The following BRWD1 variants were observed in gnomAD, a reference collection of about 807,000 sequenced individuals.
BRWD1 encodes bromodomain and WD repeat-containing protein 1.
Under a neutral mutation model 251.2 loss-of-function variants are expected in BRWD1, and 82 were observed. The observed-to-expected ratio is 0.33, with a 90% CI of 0.27 to 0.39. The LOEUF (loss-of-function observed/expected upper bound fraction) is 0.39. Among genes scored for constraint, BRWD1 ranks in the 10% least tolerant of loss-of-function variants. The pLI is 1.00. For missense variants in BRWD1, 2,233 were observed against 2,711.6 expected, an observed-to-expected ratio of 0.82 and a Z score of 3.92; for synonymous variants, 918 against 902.8, an observed-to-expected ratio of 1.02 and a Z score of -0.30.
rs2031955839 is a variant in BRWD1 at position 39,198,803 on chromosome 21, T to G, written c.5613A>C (p.Ser1871=). ...TTGGTTTTTCTATTTTGTCATCATC[T>G]GAATCTAAATCAGTTTCACATCCAT... ...SDHGCETDLD[S]DDDKIEKPNN... The change falls in exon 40 of 41, where the codon TCA becomes TCC. Residue 1871 remains serine (S), a synonymous_variant. Transcript: ENST00000342449. 7.5e-6 allele frequency: 12 copies of G among 1,599,194 alleles called. No individual in the cohort carries two copies. Among genetic ancestry groups the G allele is most frequent in the Non-Finnish European group, 1.0e-5 (12 of 1,175,222 alleles).
intron 23 of BRWD1, among the ~76,000 whole-genome samples, chr21:39,233,376 T>C (rs2033693014): frequency 6.6e-6 from 1 of 152,176 alleles, no homozygotes; most frequent in African/African-American, 2.4e-5. Flanking sequence ...GGGTGGTTTG[T>C]TATATACAGC....
At chr21:39,304,939 CCA>C (rs1031327377) in intron 4 of BRWD1, among the ~76,000 whole-genome samples, 2 of 150,328 alleles carry the variant, frequency 1.3e-5, no homozygotes, top group East Asian at 2.0e-4. Context: ...AGCAACAAAT[CCA>C]CAGTCATATT....
At chr21:39,292,132 T>A (rs1053256260) in intron 8 of BRWD1, among the ~76,000 whole-genome samples, 2 of 12,352 alleles carry the variant, frequency 1.6e-4, no homozygotes, top group African/African-American at 4.1e-4. Flanking sequence ...TGGGTGGGGG[T>A]GGGGGGGGGG....
intron 34 of BRWD1, among the ~76,000 whole-genome samples, chr21:39,211,908 A>G (rs1021454577): frequency 2.0e-5 from 3 of 152,178 alleles, no homozygotes; most frequent in South Asian, 2.1e-4. Context: ...GCATTTTCAT[A>G]TTAATAACCT....
intron 23 of BRWD1, among the ~76,000 whole-genome samples, chr21:39,233,475 TAAATG>T: frequency 1.3e-5 from 2 of 152,118 alleles, no homozygotes; most frequent in South Asian, 4.2e-4. Context: ...GGGATGTTAT[TAAATG>T]AAGAGACAAG....
Position 39,200,249 on chromosome 21 carries a change from T to C in BRWD1, c.4723A>G (p.Thr1575Ala). ...GLSRSSNLRV[T>A]RTRAAQRKTG... ...TTTCTTTGAGCAGCTCTAGTTCTGG[T>C]TACCCTGAGATTGCTGCTTCTGGAT... Residue 1575 changes from threonine to alanine, a missense_variant, in exon 39 of 41, where the codon ACC (threonine) becomes GCC (alanine). This residue lies in a region of BRWD1 where 928 missense variants were observed against 970.0 expected (regional missense o/e 0.96). Transcript: ENST00000342449. 1 of 1,613,722 alleles carries C rather than the reference T, an allele frequency of 6.2e-7. No homozygotes were observed. The highest frequency in any genetic ancestry group is 1.3e-5 in the African/African-American group (1 of 75,016).
At chr21:39,300,162 C>A (rs1319360698) in intron 4 of BRWD1, among the ~76,000 whole-genome samples, 2 of 152,146 alleles carry the variant, frequency 1.3e-5, no homozygotes, top group Non-Finnish European at 2.9e-5. Flanking sequence ...TACAGTGAGT[C>A]TGCACACCTA....
chr21:39,254,362 CCT>C (rs774181658), intron 19 of BRWD1, among the ~76,000 whole-genome samples: 42 of 152,308 alleles, frequency 2.8e-4, no homozygotes, highest in Middle Eastern at 3.4e-3. Flanking sequence ...AATATCTTCC[CCT>C]GTCTCATAGT....
At chr21:39,197,563 T>A in intron 40 of BRWD1, 148 bp from the exon 41 acceptor site, 2 of 653,150 alleles carry the variant, frequency 3.1e-6, no homozygotes, top group Admixed American at 6.5e-5. Flanking sequence ...TATAGTCATA[T>A]GTTGCTCAAC....
intron 6 of BRWD1, 72 bp downstream of exon 6, chr21:39,296,193 C>T: frequency 8.1e-7 from 1 of 1,240,658 alleles, no homozygotes; most frequent in Non-Finnish European, 1.1e-6. Context: ...AATTTTAATA[C>T]AGCATTTATA....
At position 39,312,835 on chromosome 21, in the gene BRWD1, G is replaced by C; in HGVS notation, c.198+6C>G. 1.3e-6 allele frequency: 2 copies of C among 1,585,516 alleles called. No individual in the cohort carries two copies. The highest frequency in any genetic ancestry group is 1.7e-6 in the Non-Finnish European group (2 of 1,165,964). ...AACCCGGGGAGCAAACGTGCCCAATGCTCACCAACTCCTCGTAGCTCCTGT... is the reference window on the plus strand; with the variant it reads ...AACCCGGGGAGCAAACGTGCCCAATCCTCACCAACTCCTCGTAGCTCCTGT... On this transcript the variant is annotated splice_donor_region_variant and intron_variant, in intron 4 of 40. Transcript: ENST00000342449.
At chr21:39,248,641 CAAAAAAAAAA>C (rs375430016) in intron 20 of BRWD1, among the ~76,000 whole-genome samples, 20 of 83,282 alleles carry the variant, frequency 2.4e-4, no homozygotes, top group Admixed American at 2.2e-3. Context: ...CCCTATCTCC[CAAAAAAAAAA>C]AAAAAAAAAA....
intron 37 of BRWD1, among the ~76,000 whole-genome samples, 176 bp downstream of exon 37, chr21:39,205,932 T>C (rs2032368154): frequency 1.3e-5 from 2 of 151,742 alleles, no homozygotes; most frequent in South Asian, 4.2e-4. Context: ...ATACAAAAAT[T>C]AGCCAGATGT....
chr21:39,255,180 G>A (rs921635632), intron 19 of BRWD1, among the ~76,000 whole-genome samples: 2 of 152,178 alleles, frequency 1.3e-5, no homozygotes, highest in South Asian at 4.1e-4. Context: ...GGAGGCTGAG[G>A]CAGGTGGAGC....
intron 14 of BRWD1, 122 bp from the exon 15 acceptor site, chr21:39,270,155 A>G: frequency 8.4e-7 from 1 of 1,196,384 alleles, no homozygotes; most frequent in Non-Finnish European, 1.1e-6. Context: ...TATAATTATA[A>G]AAATTTCTAA....
Position 39,278,074 on chromosome 21 carries a change from C to A in BRWD1, c.1003+669G>T, listed in dbSNP as rs767761804. Among the ~76,000 whole-genome samples, 75 of 152,020 alleles carry A rather than the reference C, an allele frequency of 4.9e-4. 1 individual carries two copies. Among genetic ancestry groups the A allele is most frequent in the Non-Finnish European group, 3.8e-4 (26 of 68,016 alleles). ...ATGTTGCCAGGGCTGGGCTCGAATT[C>A]CTGGGCTGAAGCAATCCTCCCATCT... is the stretch of plus-strand genomic sequence containing the variant. On this transcript the variant is annotated intron_variant, in intron 10 of 40. Coordinates refer to ENST00000342449, the MANE Select transcript of BRWD1 (RefSeq NM_033656.4).
At chr21:39,253,751 T>C (rs1331406172) in intron 19 of BRWD1, among the ~76,000 whole-genome samples, 2 of 152,068 alleles carry the variant, frequency 1.3e-5, no homozygotes, top group Admixed American at 6.6e-5. Context: ...AAAGATAAAT[T>C]TACAAAATTA....
At chr21:39,200,821 C>T (rs961010422) in intron 38 of BRWD1, among the ~76,000 whole-genome samples, 3 of 152,056 alleles carry the variant, frequency 2.0e-5, no homozygotes, top group Non-Finnish European at 2.9e-5. Context: ...CCCATCTCTA[C>T]TGAAAATACA....
Position 39,194,981 on chromosome 21 carries a change from C to T in BRWD1, c.*1278G>A. On this transcript the variant is annotated 3_prime_UTR_variant, in exon 41 of 41. Coordinates refer to ENST00000342449, the MANE Select transcript of BRWD1 (RefSeq NM_033656.4). The stretch of plus-strand genomic sequence containing the variant: ...AATCAAGTCCATCTTCAGGCACAAA[C>T]AAGTTAGGAATGGCCATCTACACTG... The T allele has an allele frequency of 7.0e-7, 1 of 1,429,924 alleles. No individual in the cohort carries two copies. The allele number at this position is 1,429,924 out of a possible 1,614,324, so 88.6% of individuals were successfully genotyped here.
Sources: allele counts gnomAD v4.1 joint callset (sites outside exome capture counted in the v4.1 genomes callset), GRCh38; gene constraint gnomAD v4.1.1; regional missense constraint gnomAD v4.1.1; transcripts MANE v1.5; gene names NCBI Gene and HGNC (gene_info 2026-07-23, HGNC 2026-07-21).